Variants in DICER1 observed in about 807,000 individuals in gnomAD.
DICER1 encodes dicer 1, ribonuclease III.
Under a neutral mutation model 194.1 loss-of-function variants are expected in DICER1, and 43 were observed. The ratio of observed to expected loss-of-function variants is 0.22; its 90% confidence interval spans 0.17 to 0.29. The LOEUF is 0.29. Ranked by LOEUF, DICER1 falls within the 10% of genes least tolerant of loss-of-function variation. The pLI, the probability that DICER1 is intolerant of heterozygous loss-of-function variation, is 1.00. For synonymous variants in DICER1, 832 were observed against 820.5 expected, an observed-to-expected ratio of 1.01 and a Z score of -0.24; for missense variants, 1,608 against 2,317.0, an observed-to-expected ratio of 0.69 and a Z score of 6.28.
At chr14:95,150,081 C>T (rs1895415385) in intron 1 of DICER1, among the ~76,000 whole-genome samples, 1 of 152,226 alleles carries the variant, frequency 6.6e-6, no homozygotes, top group South Asian at 2.1e-4. Flanking sequence ...TGACTCCAAC[C>T]TTGAAGATGT....
intron 1 of DICER1, among the ~76,000 whole-genome samples, chr14:95,144,867 C>G (rs747390392): frequency 6.6e-5 from 10 of 152,172 alleles, no homozygotes; most frequent in African/African-American, 2.4e-4. Flanking sequence ...TAAACTCCCC[C>G]TTCTTCTACA....
At chr14:95,114,527 T>G (rs1297956954) in intron 11 of DICER1, among the ~76,000 whole-genome samples, 2 of 152,184 alleles carry the variant, frequency 1.3e-5, no homozygotes, top group African/African-American at 4.8e-5. Flanking sequence ...AGAAAATCAT[T>G]TAGTAGCCAT....
At chr14:95,107,542 GC>G in intron 17 of DICER1, 65 bp downstream of exon 17, 20 of 1,553,214 alleles carry the variant, frequency 1.3e-5, no homozygotes, top group Non-Finnish European at 1.8e-5. Context: ...GAGCCACCGT[GC>G]CCGACCTAGT....
Position 95,103,512 on chromosome 14 carries a change from C to A in DICER1, c.3884G>T (p.Gly1295Val). 6.2e-7 allele frequency: 1 copy of A among 1,614,124 alleles called. No homozygotes were observed. Among genetic ancestry groups the A allele is most frequent in the Non-Finnish European group, 8.5e-7 (1 of 1,180,010 alleles). ...YSSRTLGPNP[G>V]LILQALTLSN... is the part of the protein sequence containing the mutation. ...CAGAGTCAAAGCCTGAAGAATAAGT[C>A]CAGGATTGGGGCCAAGAGTCCTTGA... Residue 1295 changes from glycine to valine, a missense_variant, in exon 21 of 27, where the codon GGA becomes GTA. By Grantham distance (109) the Gly-to-Val change is moderately radical. Coordinates refer to ENST00000343455, the MANE Select transcript of DICER1 (RefSeq NM_177438.3).
rs185555660 is a variant in DICER1, at chr14:95,150,711, T to C, written c.-46+6519A>G. Among the ~76,000 whole-genome samples, 11 of 152,326 alleles carry C rather than the reference T, an allele frequency of 7.2e-5. No homozygotes were observed. The East Asian group carries it at 1.3e-3, about 19-fold the overall frequency. ...GCTTTTCTGCAGATTACCTACTAAT[T>C]ACAAATGAAAACTAGTATTTTTATT... On this transcript the variant is annotated intron_variant, in intron 1 of 26. Transcript: ENST00000343455.
At chr14:95,100,781 T>C (rs73329765) in intron 21 of DICER1, among the ~76,000 whole-genome samples, 4,328 of 152,222 alleles carry the variant, frequency 0.028, 209 homozygotes, top group African/African-American at 0.098. Flanking sequence ...TATTGTTTAA[T>C]AGACACCCCC....
chr14:95,095,771 A>G (rs771046416), intron 23 of DICER1, 54 bp downstream of exon 23: 3 of 1,591,718 alleles, frequency 1.9e-6, no homozygotes, highest in Non-Finnish European at 2.6e-6. Context: ...ACACGATGAG[A>G]TCAACACAAA....
chr14:95,122,145 C>T (rs896116346), intron 8 of DICER1, among the ~76,000 whole-genome samples: 1 of 152,150 alleles, frequency 6.6e-6, no homozygotes, highest in African/African-American at 2.4e-5. Flanking sequence ...AAATTCCAGT[C>T]ACATTTTATG....
intron 1 of DICER1, among the ~76,000 whole-genome samples, chr14:95,144,679 T>C (rs1895023770): frequency 6.6e-6 from 1 of 152,156 alleles, no homozygotes; most frequent in African/African-American, 2.4e-5. Context: ...CATAGAAGAT[T>C]TTATACAGAA....
In DICER1 at chr14:95,105,079, C is replaced by T. The variant is rs369869162; in HGVS notation, c.3261G>A (p.Ala1087=). The T allele has an allele frequency of 1.8e-4, 289 of 1,613,824 alleles. 2 individuals are homozygous for T. Among genetic ancestry groups the T allele is most frequent in the Non-Finnish European group, 2.3e-4 (272 of 1,179,984 alleles). The change falls in exon 20 of 27, where the codon GCG becomes GCA. Residue 1087 remains alanine, a synonymous_variant. Coordinates refer to ENST00000343455, the MANE Select transcript of DICER1 (RefSeq NM_177438.3). The surrounding 1 kb of genome is among the most constrained non-coding windows in gnomAD (Gnocchi z 4.9). ...DAGVGVRSLP[A]DFRYPNLDFG... ...TGACTGCACAGGCATACCTAAAATC[C>T]GCAGGAAGTGATCTGACTCCCACGC...
intron 24 of DICER1, among the ~76,000 whole-genome samples, chr14:95,092,903 G>A (rs753994461): frequency 5.9e-5 from 9 of 152,312 alleles, no homozygotes; most frequent in East Asian, 5.8e-4. Context: ...AGCCTGCCAC[G>A]CTCCAGCTCA....
Position 95,095,979 on chromosome 14 carries a change from T to A in DICER1, c.4941A>T (p.Arg1647Ser). Residue 1647 changes from arginine to serine, a missense_variant, in exon 23 of 27, where the codon AGA (arginine) becomes AGT (serine). By Grantham distance (110) the Arg-to-Ser change is moderately radical. Around this residue, in one of 10 missense-constraint regions of DICER1, gnomAD observed 125 missense variants for 134.9 expected, o/e 0.93. Transcript: ENST00000343455. ...CTGCATCTGGATGATCAAACATACA[T>A]CTTGGTGGAATCTTCAAACAACCAT... ...SEYGCLKIPP[R>S]CMFDHPDADK... 6.2e-7 allele frequency: 1 copy of A among 1,614,252 alleles called. No individual in the cohort carries two copies. Among genetic ancestry groups the A allele is most frequent in the Non-Finnish European group, 8.5e-7 (1 of 1,180,040 alleles).
intron 1 of DICER1, among the ~76,000 whole-genome samples, chr14:95,148,575 C>G (rs1895295591): frequency 6.6e-6 from 1 of 152,174 alleles, no homozygotes. Context: ...AAATCTCTAA[C>G]ATAAATATGT....
rs193027607 is a variant in DICER1, at chr14:95,152,927, G to C, written c.-46+4303C>G. On this transcript the variant is annotated intron_variant, in intron 1 of 26. Coordinates refer to ENST00000343455, the MANE Select transcript of DICER1 (RefSeq NM_177438.3). ...GACCAACACACGTTCCTAAAGACTG[G>C]GTGAGAGGGCTGGGCACGGTGGCTC... 7.0e-4 allele frequency among the ~76,000 whole-genome samples: 107 copies of C among 152,204 alleles called. 1 individual carries two copies. Among genetic ancestry groups the C allele is most frequent in the African/African-American group, 2.5e-3 (104 of 41,542 alleles).
At chr14:95,096,791 G>C (rs1340853543) in intron 22 of DICER1, 78 bp from the exon 23 acceptor site, 20 of 1,487,868 alleles carry the variant, frequency 1.3e-5, no homozygotes, top group Non-Finnish European at 1.6e-5. Context: ...ATAAAAGCAA[G>C]GGTTATGGAT....
At chr14:95,118,353 C>T (rs1005310003) in intron 8 of DICER1, among the ~76,000 whole-genome samples, 9 of 152,134 alleles carry the variant, frequency 5.9e-5, no homozygotes, top group Admixed American at 3.3e-4. Context: ...GAAGCAGAGC[C>T]CATGGGAAAG....
intron 22 of DICER1, 27 bp downstream of exon 22, chr14:95,099,752 AC>A (rs760799658): frequency 3.4e-5 from 55 of 1,607,046 alleles, no homozygotes; most frequent in Non-Finnish European, 4.1e-5. Flanking sequence ...ACACACACAC[AC>A]ACACACACAC....
At chr14:95,138,546 T>C (rs1364792838) in intron 1 of DICER1, among the ~76,000 whole-genome samples, 3 of 152,068 alleles carry the variant, frequency 2.0e-5, no homozygotes, top group Admixed American at 2.0e-4. Flanking sequence ...ATGGAATTCA[T>C]TAAAAAGTTG....
chr14:95,116,321 A>G, intron 10 of DICER1, 132 bp downstream of exon 10: 6 of 1,128,526 alleles, frequency 5.3e-6, no homozygotes, highest in Non-Finnish European at 7.7e-6. Flanking sequence ...ATGTACACAG[A>G]GTACACCTCT....
Sources: gnomAD v4.1 joint callset for allele counts (sites outside exome capture counted in the v4.1 genomes callset) on GRCh38, gnomAD v4.1.1 for gene constraint, gnomAD v4.1.1 regional missense constraint, Gnocchi (gnomAD v3.1) non-coding constraint, MANE v1.5 for transcripts, NCBI Gene and HGNC (gene_info 2026-07-23, HGNC 2026-07-21) for gene names.